DAB1: variants seen among roughly 807,000 people sequenced by gnomAD.
DAB1 encodes the protein disabled homolog 1.
In DAB1, 15 loss-of-function variants were observed where a neutral mutation model predicts 64.6. The ratio of observed to expected loss-of-function variants is 0.23; its 90% CI spans 0.16 to 0.36. The LOEUF is 0.36. Ranked by LOEUF, DAB1 falls within the 10% of genes least tolerant of loss-of-function variation. The pLI is 1.00. For missense variants in DAB1, 596 were observed against 706.7 expected (o/e 0.84, Z 1.78); for synonymous variants, 235 against 251.9 (o/e 0.93, Z 0.64).
chr1:58,180,281 CTTTTTTTTTTTTTTTT>C (rs869204611), intron 4 of DAB1, among the ~76,000 whole-genome samples: 1 of 61,002 alleles, frequency 1.6e-5, no homozygotes, highest in African/African-American at 7.1e-5. Flanking sequence ...TTTTTCTTTT[CTTTTTTTTTTTTTTTT>C]TTTTTTTTTT....
intron 6 of DAB1, among the ~76,000 whole-genome samples, chr1:57,821,016 C>T (rs1225780015): frequency 6.6e-6 from 1 of 152,298 alleles, no homozygotes; most frequent in East Asian, 1.9e-4. Context: ...ACACTTTCCA[C>T]ATTAGTCTCT....
intron 3 of DAB1, among the ~76,000 whole-genome samples, chr1:58,463,796 C>A (rs2100317346): frequency 6.6e-6 from 1 of 152,284 alleles, no homozygotes; most frequent in East Asian, 1.9e-4. Flanking sequence ...CATGGCATCA[C>A]AGATATATGA....
chr1:58,071,267 A>T (rs1368963979), intron 5 of DAB1, among the ~76,000 whole-genome samples: 1 of 152,080 alleles, frequency 6.6e-6, no homozygotes, highest in African/African-American at 2.4e-5. Context: ...CTCTGATGTG[A>T]TCTGTACTAT....
chr1:57,405,515 G>A (rs574424129), intron 1 of DAB1, among the ~76,000 whole-genome samples: 3 of 152,306 alleles, frequency 2.0e-5, no homozygotes, highest in Admixed American at 1.3e-4. Flanking sequence ...CCTTAGGCCA[G>A]TTATCTTTAG....
At chr1:57,717,984 C>A (rs1647104928) in intron 6 of DAB1, among the ~76,000 whole-genome samples, 1 of 151,976 alleles carries the variant, frequency 6.6e-6, no homozygotes, top group Admixed American at 6.6e-5. Context: ...GGAGAGATTG[C>A]TCAAGGGTAC....
At chr1:57,730,208 C>T (rs1223005329) in intron 6 of DAB1, among the ~76,000 whole-genome samples, 1 of 152,144 alleles carries the variant, frequency 6.6e-6, no homozygotes, top group Non-Finnish European at 1.5e-5. Context: ...AGGTGGAGGC[C>T]TATATTAACT....
At chr1:57,982,404 T>A (rs1646088544) in intron 5 of DAB1, among the ~76,000 whole-genome samples, 1 of 152,230 alleles carries the variant, frequency 6.6e-6, no homozygotes, top group South Asian at 2.1e-4. Flanking sequence ...CTAGTGGACG[T>A]AGCCCAGGTG....
At chr1:57,683,536 C>A (rs751722302) in intron 6 of DAB1, among the ~76,000 whole-genome samples, 3 of 152,178 alleles carry the variant, frequency 2.0e-5, no homozygotes, top group Non-Finnish European at 4.4e-5. Context: ...AAATATATAT[C>A]CTTGTGAAAC....
At position 58,189,483 on chromosome 1, in the gene DAB1, C is replaced by A. The variant is rs182763972; in HGVS notation, n.310-38895G>T. 2.4e-3 allele frequency among the ~76,000 whole-genome samples: 359 copies of A among 152,292 alleles called. 1 individual carries two copies. Among genetic ancestry groups the A allele is most frequent in the African/African-American group, 8.1e-3 (336 of 41,558 alleles). The stretch of plus-strand genomic sequence containing the variant: ...CTCAAAGTACATTCCCTAGACCACC[C>A]TCATTTCTATCATTTAGGGTTTAAC... On this transcript the variant is annotated intron_variant and non_coding_transcript_variant, in intron 4 of 20. Coordinates refer to the DAB1 transcript ENST00000485760.
intron 6 of DAB1, among the ~76,000 whole-genome samples, chr1:57,697,003 A>T (rs1014150518): frequency 2.0e-5 from 3 of 152,200 alleles, no homozygotes. Flanking sequence ...CCCATCCAAA[A>T]GTCACCTTCT....
chr1:57,117,738 T>C (rs746850508), intron 4 of DAB1, among the ~76,000 whole-genome samples: 9 of 152,200 alleles, frequency 5.9e-5, no homozygotes, highest in Non-Finnish European at 1.2e-4. Context: ...TCATCTTTTA[T>C]TGGGTCTAGG....
At chr1:57,279,797 T>C (rs1029102058) in intron 2 of DAB1, among the ~76,000 whole-genome samples, 12 of 152,260 alleles carry the variant, frequency 7.9e-5, no homozygotes, top group African/African-American at 2.7e-4. Flanking sequence ...CTCAATCATG[T>C]GGAGACTTGT....
In DAB1 at chr1:57,010,808, AATAC is replaced by A. The variant is rs777386158; in HGVS notation, c.1573-22_1573-19del. 2 of 1,524,526 alleles carry A rather than the reference AATAC, an allele frequency of 1.3e-6. No individual in the cohort carries two copies. Among genetic ancestry groups the A allele is most frequent in the East Asian group, 4.6e-5 (2 of 43,612 alleles). 94.4% of individuals were successfully genotyped at this position (1,524,526 alleles called of 1,614,324 possible). Reference sequence around the variant, plus strand: ...CCATCAGGCTAGAACACAAGAAGATAATACTTTTTTTTTTCTCTCTTTTCAAGCA... The same window carrying A: ...CCATCAGGCTAGAACACAAGAAGATATTTTTTTTTTCTCTCTTTTCAAGCA... On this transcript the variant is annotated intron_variant, in intron 13 of 14. Coordinates refer to ENST00000371236, the MANE Select transcript of DAB1 (RefSeq NM_001365792.1).
chr1:57,123,026 G>T (rs1459810938), intron 4 of DAB1, among the ~76,000 whole-genome samples: 1 of 152,052 alleles, frequency 6.6e-6, no homozygotes, highest in African/African-American at 2.4e-5. Flanking sequence ...ACAGCTTTAT[G>T]CAAAGAAAAG....
chr1:58,048,731 T>C, intron 5 of DAB1: 2 of 1,309,964 alleles, frequency 1.5e-6, no homozygotes, highest in Non-Finnish European at 2.2e-6. Context: ...GATGAAACAC[T>C]AGCCATCTCT....
rs181182072 is a variant in DAB1 at position 58,132,170 on chromosome 1, T to C, written n.387+18341A>G. On this transcript the variant is annotated intron_variant and non_coding_transcript_variant, in intron 5 of 20. Transcript: ENST00000485760. ...GGAGATAATCTCGTGGTGCGCCGTTTTTTAAGCCCGTCGGAAAAGCGCAGT... is the reference window on the plus strand; with the variant it reads ...GGAGATAATCTCGTGGTGCGCCGTTCTTTAAGCCCGTCGGAAAAGCGCAGT... Among the ~76,000 whole-genome samples, 293 of 152,290 alleles carry C rather than the reference T, an allele frequency of 1.9e-3. 1 individual carries two copies. Among genetic ancestry groups the C allele is most frequent in the Non-Finnish European group, 3.5e-3 (240 of 68,024 alleles).
chr1:57,807,586 T>C (rs1382475175), intron 6 of DAB1, among the ~76,000 whole-genome samples: 1 of 152,378 alleles, frequency 6.6e-6, no homozygotes, highest in African/African-American at 2.4e-5. Flanking sequence ...TCCTGTCTTC[T>C]ATGCTGAATT....
At chr1:57,098,712 C>T (rs974345277) in intron 4 of DAB1, among the ~76,000 whole-genome samples, 37 of 152,082 alleles carry the variant, frequency 2.4e-4, no homozygotes, top group African/African-American at 8.9e-4. Flanking sequence ...GACTATGAAG[C>T]AATGATGGGG....
At chr1:57,941,563 A>G (rs922031307) in intron 5 of DAB1, among the ~76,000 whole-genome samples, 6 of 152,332 alleles carry the variant, frequency 3.9e-5, no homozygotes, top group Middle Eastern at 6.8e-3. Context: ...TGGGCCGGGC[A>G]TGGTGGCTCA....
Sources: gnomAD v4.1 joint callset for allele counts (sites outside exome capture counted in the v4.1 genomes callset) on GRCh38, gnomAD v4.1.1 for gene constraint, MANE v1.5 for transcripts, NCBI Gene and HGNC (gene_info 2026-07-23, HGNC 2026-07-21) for gene names.